DNAJC7: variants seen among roughly 807,000 people sequenced by gnomAD.
The protein encoded by DNAJC7 is dnaJ homolog subfamily C member 7.
Under a neutral mutation model 67.4 loss-of-function variants are expected in DNAJC7, and 18 were observed. The observed-to-expected ratio is 0.27, with a 90% CI of 0.18 to 0.40. DNAJC7 has a LOEUF of 0.40. Among genes scored for constraint, DNAJC7 ranks in the 10% least tolerant of loss-of-function variants. The pLI is 1.00. For missense variants in DNAJC7, 419 were observed against 613.8 expected (o/e 0.68, Z 3.35); for synonymous variants, 220 against 207.8 (o/e 1.06, Z -0.50).
intron 1 of DNAJC7, among the ~76,000 whole-genome samples, chr17:42,004,393 C>T (rs1482901296): frequency 1.3e-5 from 2 of 152,186 alleles, no homozygotes; most frequent in Non-Finnish European, 1.5e-5. Flanking sequence ...TCCCCCACAT[C>T]CTGTTAGTGT....
At chr17:41,978,796 C>T (rs1225102425) in intron 12 of DNAJC7, among the ~76,000 whole-genome samples, 2 of 152,196 alleles carry the variant, frequency 1.3e-5, no homozygotes, top group East Asian at 1.9e-4. Flanking sequence ...AGGAGAATGG[C>T]GTGAACCCGG....
intron 2 of DNAJC7, 65 bp downstream of exon 2, chr17:42,000,417 G>T: frequency 7.6e-7 from 1 of 1,314,492 alleles, no homozygotes; most frequent in Non-Finnish European, 1.1e-6. Context: ...CCAGGACTTG[G>T]CAGCTACTTT....
In DNAJC7 at chr17:42,017,364, A is replaced by G. The variant is rs1555652133; in HGVS notation, c.53T>C (p.Leu18Pro). 6.2e-7 allele frequency: 1 copy of G among 1,611,238 alleles called. No individual in the cohort carries two copies. Among genetic ancestry groups the G allele is most frequent in the Admixed American group, 1.7e-5 (1 of 60,032 alleles). ...CCTCTTCGCCTCTTGGTCGTCGAGC[A>G]GCTCCGGCTCGGTCGCCGCCATTAC... Reference protein sequence around the residue: ...DVVMAATEPELLDDQEAKREA... With the variant: ...DVVMAATEPEPLDDQEAKREA... The change falls in exon 1 of 14, where the codon CTG (leucine) becomes CCG (proline). Residue 18 changes from leucine (L) to proline (P), a missense_variant. Leu to Pro is a moderately conservative substitution (Grantham distance 98). Coordinates refer to ENST00000457167, the MANE Select transcript of DNAJC7 (RefSeq NM_003315.4).
rs142684467 is a variant in DNAJC7, at chr17:41,995,529, T to G, written c.406-585A>C. On this transcript the variant is annotated intron_variant, in intron 4 of 13. Transcript: ENST00000457167. ...TACCGTATTTTTACTGTACCTTTTC[T>G]GTTTAGATACACAAATACCACTGTG... Among the ~76,000 whole-genome samples the G allele has an allele frequency of 9.8e-5, 15 of 152,340 alleles. 1 individual carries two copies. In the East Asian group the frequency reaches 2.9e-3, roughly 29 times the overall value.
intron 1 of DNAJC7, among the ~76,000 whole-genome samples, chr17:42,008,157 C>G (rs1412771649): frequency 6.6e-6 from 1 of 150,876 alleles, no homozygotes; most frequent in African/African-American, 2.4e-5. Context: ...TACAAAAATA[C>G]AAAAATTAGC....
chr17:42,002,828 A>G (rs1255561459), intron 1 of DNAJC7, among the ~76,000 whole-genome samples: 4 of 152,196 alleles, frequency 2.6e-5, no homozygotes, highest in African/African-American at 7.2e-5. Context: ...AATTTGTTTA[A>G]ACTAAGACAC....
chr17:42,002,468 G>C (rs1304861357), intron 1 of DNAJC7, among the ~76,000 whole-genome samples: 1 of 152,146 alleles, frequency 6.6e-6, no homozygotes, highest in Non-Finnish European at 1.5e-5. Context: ...TGGAGGTCGG[G>C]GAGTTCAGGA....
chr17:42,008,908 C>A (rs1425997760), intron 1 of DNAJC7, among the ~76,000 whole-genome samples: 2 of 152,098 alleles, frequency 1.3e-5, no homozygotes, highest in Non-Finnish European at 2.9e-5. Flanking sequence ...GAGGTCTTGC[C>A]ATGTTGGCCA....
intron 12 of DNAJC7, 186 bp from the exon 13 acceptor site, chr17:41,977,509 G>A: frequency 3.7e-6 from 2 of 533,824 alleles, no homozygotes; most frequent in South Asian, 2.4e-5. Flanking sequence ...CATGCTACCT[G>A]ATCCCACTCC....
intron 1 of DNAJC7, chr17:42,012,971 AT>A (rs1297233929): frequency 1.5e-4 from 22 of 149,392 alleles, no homozygotes; most frequent in Admixed American, 3.3e-4. Context: ...TAATTTTTGT[AT>A]TTTTTTTTTA....
chr17:41,992,099 T>C (rs2051523174), intron 5 of DNAJC7, among the ~76,000 whole-genome samples: 1 of 152,234 alleles, frequency 6.6e-6, no homozygotes, highest in African/African-American at 2.4e-5. Flanking sequence ...CTTTCTGCAG[T>C]GTCACACAGC....
chr17:42,010,206 G>T (rs905938940), intron 1 of DNAJC7, among the ~76,000 whole-genome samples: 1 of 149,846 alleles, frequency 6.7e-6, no homozygotes, highest in Non-Finnish European at 1.5e-5. Flanking sequence ...TTCCTAGGCC[G>T]GGTGCAGTGG....
At chr17:41,993,658 T>G (rs1555648119) in intron 5 of DNAJC7, among the ~76,000 whole-genome samples, 1 of 152,096 alleles carries the variant, frequency 6.6e-6, no homozygotes, top group African/African-American at 2.4e-5. Context: ...CTTTTGAAAC[T>G]CAAGTGAAAA....
Position 41,996,420 on chromosome 17 carries a change from T to C in DNAJC7, c.296A>G (p.His99Arg), listed in dbSNP as rs782063381. The C allele has an allele frequency of 3.1e-6, 5 of 1,613,252 alleles. No individual in the cohort carries two copies. In the South Asian group the frequency reaches 5.5e-5, roughly 18 times the overall value. ...GAGGTGGCACTTGCCCTCTCGTAGA[T>C]GTCCCTAAAAGAACACCAAGAGGGA... ...VRLDDSFVRG[H>R]LREGKCHLSL... The change falls in exon 4 of 14, where the codon CAT becomes CGT. Residue 99 changes from histidine to arginine, a missense_variant. Physicochemically the swap from His to Arg is conservative, Grantham distance 29. Around this residue, in one of 4 missense-constraint regions of DNAJC7, gnomAD observed 179 missense variants for 249.7 expected, o/e 0.72. Transcript: ENST00000457167.
At chr17:41,982,210 C>G (rs782728947) in intron 11 of DNAJC7, 45 bp downstream of exon 11, 1 of 1,610,886 alleles carries the variant, frequency 6.2e-7, no homozygotes, top group Middle Eastern at 1.7e-4. Context: ...GTTGGCCTGC[C>G]CTGCGGGTTC....
chr17:42,008,335 T>G (rs2064636370), intron 1 of DNAJC7, among the ~76,000 whole-genome samples: 1 of 151,398 alleles, frequency 6.6e-6, no homozygotes, highest in Non-Finnish European at 1.5e-5. Flanking sequence ...AAAAATCTAC[T>G]ATTCTACAAG....
chr17:42,015,818 C>T (rs567995807), intron 1 of DNAJC7: 1 of 152,278 alleles, frequency 6.6e-6, no homozygotes, highest in African/African-American at 2.4e-5. Context: ...CGCGCCACTA[C>T]ACTCCAGCCT....
At chr17:41,980,484 C>A (rs1379200271) in intron 12 of DNAJC7, among the ~76,000 whole-genome samples, 2 of 152,314 alleles carry the variant, frequency 1.3e-5, no homozygotes, top group Admixed American at 6.5e-5. Flanking sequence ...CTCCTGGGCT[C>A]AAGAGTTTTT....
At chr17:41,980,828 C>G (rs782294060) in intron 12 of DNAJC7, among the ~76,000 whole-genome samples, 10 of 152,182 alleles carry the variant, frequency 6.6e-5, no homozygotes, top group Non-Finnish European at 1.2e-4. Flanking sequence ...GTATGACATA[C>G]ATAAATGTCA....
Sources: allele counts gnomAD v4.1 joint callset (sites outside exome capture counted in the v4.1 genomes callset), GRCh38; gene constraint gnomAD v4.1.1; regional missense constraint gnomAD v4.1.1; transcripts MANE v1.5; gene names NCBI Gene and HGNC (gene_info 2026-07-23, HGNC 2026-07-21).